GRM4: variants seen among roughly 807,000 people sequenced by gnomAD.
The protein encoded by GRM4 is metabotropic glutamate receptor 4.
In GRM4, 28 loss-of-function variants were observed where a neutral mutation model predicts 81.7. The ratio of observed to expected loss-of-function variants is 0.34; its 90% CI spans 0.25 to 0.47. GRM4 has a LOEUF of 0.47. GRM4 is among the 20% of genes least tolerant of loss of function. The pLI is 1.00. For synonymous variants in GRM4, 488 were observed against 528.8 expected (o/e 0.92, Z 1.06); for missense variants, 948 against 1,290.0 (o/e 0.73, Z 4.06).
At position 34,110,632 on chromosome 6, in the gene GRM4, C is replaced by T. The variant is rs1457314606; in HGVS notation, c.520-18533G>A. 3 of 1,050,364 alleles carry T rather than the reference C, an allele frequency of 2.9e-6. 1 individual carries two copies. In the South Asian group the frequency reaches 4.1e-5, roughly 14 times the overall value. The allele number at this position is 1,050,364 out of a possible 1,614,324, so 65.1% of individuals were successfully genotyped here. ...AGCCACAGCAGCCCTGCTCCCTACC[C>T]CCTTACCATACCCCTTCTCATCCCC... On this transcript the variant is annotated intron_variant, in intron 2 of 10. Coordinates refer to ENST00000538487, the MANE Select transcript of GRM4 (RefSeq NM_000841.4).
chr6:34,139,550 C>T (rs964691002), intron 1 of GRM4, among the ~76,000 whole-genome samples: 7 of 152,194 alleles, frequency 4.6e-5, no homozygotes, highest in African/African-American at 1.7e-4. Flanking sequence ...CATCTCCTTC[C>T]TCCGCAGTTA....
chr6:34,026,534 G>T (rs1325370129), intron 10 of GRM4, among the ~76,000 whole-genome samples: 1 of 152,038 alleles, frequency 6.6e-6, no homozygotes, highest in Non-Finnish European at 1.5e-5. Context: ...CATGGGGGCT[G>T]CCCCACAGCC....
intron 2 of GRM4, among the ~76,000 whole-genome samples, chr6:34,112,901 T>C (rs538917507): frequency 1.3e-5 from 2 of 152,342 alleles, no homozygotes; most frequent in Admixed American, 1.3e-4. Flanking sequence ...TTCTCTTCCC[T>C]GCAGCTTTGA....
chr6:34,084,891 C>G (rs1314480152), intron 3 of GRM4, among the ~76,000 whole-genome samples: 2 of 152,216 alleles, frequency 1.3e-5, no homozygotes, highest in Non-Finnish European at 2.9e-5. Flanking sequence ...CCCCGCAGTC[C>G]TGGGATTTGT....
intron 10 of GRM4, chr6:34,024,389 A>G (rs1764031900): frequency 3.8e-6 from 1 of 266,172 alleles, no homozygotes; most frequent in African/African-American, 2.2e-5. Flanking sequence ...GAGCAACAAG[A>G]TGGAAGGATC....
At chr6:34,063,872 C>T (rs1363599748) in intron 3 of GRM4, among the ~76,000 whole-genome samples, 1 of 152,252 alleles carries the variant, frequency 6.6e-6, no homozygotes, top group East Asian at 1.9e-4. Flanking sequence ...AGAGGCTGGA[C>T]TGGGAGGAGA....
intron 3 of GRM4, among the ~76,000 whole-genome samples, chr6:34,075,126 C>A (rs1030839009): frequency 6.6e-6 from 1 of 151,820 alleles, no homozygotes; most frequent in Non-Finnish European, 1.5e-5. Flanking sequence ...GGGGCTGTGG[C>A]GAGCAGGGCC....
intron 5 of GRM4, among the ~76,000 whole-genome samples, chr6:34,058,325 C>A (rs764740021): frequency 2.6e-5 from 4 of 152,184 alleles, no homozygotes; most frequent in Admixed American, 6.5e-5. Context: ...AGTCCCTCCC[C>A]TCCTCAGGCC....
At position 34,153,531 on chromosome 6, in the gene GRM4, G is replaced by A. The variant is rs371360150; in HGVS notation, c.312+1548C>T. Reference sequence around the variant, plus strand: ...GAACACTGCAGAGGTCATGGCTGACGCTCTCCTGTGAGCAGCTGTGAGCGG... The same window carrying A: ...GAACACTGCAGAGGTCATGGCTGACACTCTCCTGTGAGCAGCTGTGAGCGG... On this transcript the variant is annotated intron_variant, in intron 1 of 8. Transcript: ENST00000374177. 5.3e-5 allele frequency among the ~76,000 whole-genome samples: 8 copies of A among 152,354 alleles called. No individual in the cohort carries two copies. In the South Asian group the frequency reaches 8.3e-4, roughly 16 times the overall value.
At chr6:34,117,766 A>C (rs1348167545) in intron 2 of GRM4, among the ~76,000 whole-genome samples, 2 of 152,132 alleles carry the variant, frequency 1.3e-5, no homozygotes, top group Admixed American at 6.5e-5. Flanking sequence ...CGCTCCAATT[A>C]GGAAGGGCCT....
upstream of GRM4, chr6:34,146,097 G>A (rs1737425413): frequency 2.0e-6 from 2 of 985,288 alleles, no homozygotes; most frequent in Non-Finnish European, 2.4e-6. Context: ...CAAAGCACAG[G>A]GACGCAGAGG....
At chr6:34,077,448 G>A (rs544784667) in intron 3 of GRM4, among the ~76,000 whole-genome samples, 2 of 152,116 alleles carry the variant, frequency 1.3e-5, no homozygotes, top group East Asian at 3.9e-4. Context: ...CATCTTTCCA[G>A]ACCACAGCCC....
intron 10 of GRM4, among the ~76,000 whole-genome samples, chr6:34,026,875 G>T (rs1764159649): frequency 6.6e-6 from 1 of 152,236 alleles, no homozygotes. Context: ...CCTGCACGCA[G>T]CAGAGAGGTG....
chr6:34,114,335 G>A lies in GRM4; in HGVS notation c.519+18643C>T, dbSNP rs931739797. The stretch of plus-strand genomic sequence containing the variant: ...AAAAGATGCTCACCAGCTATTTGGT[G>A]GATATATGAACCAATGGATGTCACT... On this transcript the variant is annotated intron_variant, in intron 2 of 10. Coordinates refer to ENST00000538487, the MANE Select transcript of GRM4 (RefSeq NM_000841.4). The surrounding 1 kb of genome is among the most constrained non-coding windows in gnomAD (Gnocchi z 4.3). Among the ~76,000 whole-genome samples, 1 of 152,138 alleles carries A rather than the reference G, an allele frequency of 6.6e-6. No homozygotes were observed. Among genetic ancestry groups the A allele is most frequent in the Non-Finnish European group, 1.5e-5 (1 of 68,022 alleles).
intron 10 of GRM4, among the ~76,000 whole-genome samples, chr6:34,027,039 G>A (rs1764166288): frequency 1.3e-5 from 2 of 152,196 alleles, no homozygotes; most frequent in South Asian, 4.1e-4. Context: ...AAAGGCCAAA[G>A]GTGGGAGTCC....
Position 34,121,396 on chromosome 6 carries a change from G to A in GRM4, c.519+11582C>T, listed in dbSNP as rs968220054. On this transcript the variant is annotated intron_variant, in intron 2 of 10. Coordinates refer to ENST00000538487, the MANE Select transcript of GRM4 (RefSeq NM_000841.4). The surrounding 1 kb of genome is among the most constrained non-coding windows in gnomAD (Gnocchi z 4.6). The stretch of plus-strand genomic sequence containing the variant: ...CTGAACATAAACACCACCCTCTCCA[G>A]GGCCCTGACAGAGGTTAATGCTGCC... 6.6e-6 allele frequency among the ~76,000 whole-genome samples: 1 copy of A among 152,182 alleles called. No homozygotes were observed. The highest frequency in any genetic ancestry group is 1.5e-5 in the Non-Finnish European group (1 of 68,034).
chr6:34,133,437 G>T lies in GRM4; in HGVS notation c.60C>A (p.Leu20=), dbSNP rs1770330571. 6.2e-7 allele frequency: 1 copy of T among 1,610,178 alleles called. No homozygotes were observed. Among genetic ancestry groups the T allele is most frequent in the African/African-American group, 1.3e-5 (1 of 74,902 alleles). The change falls in exon 2 of 11, where the codon CTC becomes CTA. Residue 20 remains leucine, a synonymous_variant. Coordinates refer to ENST00000538487, the MANE Select transcript of GRM4 (RefSeq NM_000841.4). The surrounding 1 kb of genome is among the most constrained non-coding windows in gnomAD (Gnocchi z 6.5). ...AAGGCATCCAGGGGCCGTAAAGGCT[G>T]AGGAGCAGGCAAAGGGGCAGCCGGG... The part of the protein sequence containing the change: ...WWARLPLCLL[L]SLYGPWMPSS...
intron 3 of GRM4, among the ~76,000 whole-genome samples, chr6:34,081,676 C>T (rs1257630821): frequency 6.6e-6 from 1 of 152,094 alleles, no homozygotes; most frequent in Non-Finnish European, 1.5e-5. Context: ...GCTGGACATC[C>T]CCGCCCCAGG....
intron 10 of GRM4, among the ~76,000 whole-genome samples, chr6:34,027,444 G>A (rs939571782): frequency 2.4e-4 from 37 of 152,212 alleles, no homozygotes; most frequent in African/African-American, 8.7e-4. Context: ...CTTTCCTGCT[G>A]GGTCTCCCCG....
Sources: allele counts gnomAD v4.1 joint callset (sites outside exome capture counted in the v4.1 genomes callset), GRCh38; gene constraint gnomAD v4.1.1; non-coding constraint Gnocchi (gnomAD v3.1); transcripts MANE v1.5; gene names NCBI Gene and HGNC (gene_info 2026-07-23, HGNC 2026-07-21).